Variants in UTP20 observed in about 807,000 individuals in gnomAD.
UTP20 encodes UTP20 small subunit processome component, also known as small subunit processome component 20 homolog.
A neutral mutation model predicts 329.5 loss-of-function variants in UTP20; 164 were observed. The observed-to-expected ratio is 0.50, with a 90% CI of 0.44 to 0.57. UTP20 has a LOEUF of 0.57. Among genes scored for constraint, UTP20 ranks in the 20% least tolerant of loss-of-function variants. UTP20 has a pLI of 0.00. For synonymous variants in UTP20, 1,151 were observed against 1,159.3 expected, an observed-to-expected ratio of 0.99 and a Z score of 0.14; for missense variants, 3,055 against 3,284.2, an observed-to-expected ratio of 0.93 and a Z score of 1.71.
At chr12:101,348,695 T>G (rs540482500) in intron 38 of UTP20, among the ~76,000 whole-genome samples, 5 of 151,060 alleles carry the variant, frequency 3.3e-5, no homozygotes, top group African/African-American at 4.8e-5. Context: ...GGAGGATTTT[T>G]TTGTTGTTGT....
At chr12:101,322,192 G>A (rs1440964515) in intron 25 of UTP20, among the ~76,000 whole-genome samples, 1 of 152,018 alleles carries the variant, frequency 6.6e-6, no homozygotes, top group East Asian at 1.9e-4. Context: ...GTTTCACCAT[G>A]TTGGCCAGGC....
At chr12:101,333,938 A>G (rs1001407288) in intron 28 of UTP20, among the ~76,000 whole-genome samples, 2 of 152,246 alleles carry the variant, frequency 1.3e-5, no homozygotes, top group African/African-American at 4.8e-5. Flanking sequence ...TGCTGGGATT[A>G]CAGGCGTGAG....
intron 18 of UTP20, among the ~76,000 whole-genome samples, chr12:101,309,200 G>A (rs553323909): frequency 1.2e-4 from 19 of 152,146 alleles, no homozygotes; most frequent in Non-Finnish European, 2.5e-4. Flanking sequence ...GTTTCATTTG[G>A]AAAAAAGACT....
At chr12:101,316,042 C>T (rs920681034) in intron 21 of UTP20, among the ~76,000 whole-genome samples, 3 of 152,178 alleles carry the variant, frequency 2.0e-5, no homozygotes, top group South Asian at 2.1e-4. Flanking sequence ...ATAGATGATC[C>T]GAACTAATGG....
chr12:101,376,161 G>GT (rs1434234658), intron 56 of UTP20, among the ~76,000 whole-genome samples: 3 of 151,986 alleles, frequency 2.0e-5, no homozygotes, highest in Admixed American at 6.6e-5. Context: ...TAGGCATAGG[G>GT]TTTTTTTGAG....
Position 101,383,124 on chromosome 12 carries a change from A to C in UTP20, c.7740A>C (p.Glu2580Asp). ...YCEDKQSKIK[E>D]DLEEQEALED... ...AGGATAAGCAAAGTAAGATAAAAGA[A>C]GACCTGGAAGAACAAGAAGCTTTAG... The change falls in exon 59 of 62, where the codon GAA becomes GAC. Residue 2580 changes from glutamate (E) to aspartate (D), a missense_variant. Glu to Asp is a conservative substitution (Grantham distance 45). Coordinates refer to ENST00000261637, the MANE Select transcript of UTP20 (RefSeq NM_014503.3). 1 of 1,614,052 alleles carries C rather than the reference A, an allele frequency of 6.2e-7. No individual in the cohort carries two copies. The highest frequency in any genetic ancestry group is 8.5e-7 in the Non-Finnish European group (1 of 1,179,924).
chr12:101,375,071 A>G, intron 55 of UTP20, 132 bp downstream of exon 55: 4 of 634,992 alleles, frequency 6.3e-6, no homozygotes, highest in South Asian at 5.1e-5. Flanking sequence ...TAGCTAATCA[A>G]TTAAATATTT....
intron 4 of UTP20, 31 bp from the exon 5 acceptor site, chr12:101,286,290 A>T: frequency 2.6e-6 from 4 of 1,528,596 alleles, no homozygotes; most frequent in Non-Finnish European, 3.5e-6. Context: ...AAAAAAATCC[A>T]CATGATCAGT....
At chr12:101,350,820 C>CA (rs201012759) in intron 38 of UTP20, among the ~76,000 whole-genome samples, 2,610 of 152,222 alleles carry the variant, frequency 0.017, 20 homozygotes, top group South Asian at 0.031. Context: ...CTTCCTTACT[C>CA]ACGCTTACTG....
chr12:101,311,718 G>C lies in UTP20; in HGVS notation c.2232-1G>C. On this transcript the variant is annotated splice_acceptor_variant, in intron 19 of 61. Coordinates refer to ENST00000261637, the MANE Select transcript of UTP20 (RefSeq NM_014503.3). LOFTEE classifies it high-confidence loss of function. Reference sequence around the variant, plus strand: ...ATTTTGTGATTTTTTTTTTCCCTTAGTTCTCATGCACACGAAATGGAAAAT... The same window carrying C: ...ATTTTGTGATTTTTTTTTTCCCTTACTTCTCATGCACACGAAATGGAAAAT... The C allele has an allele frequency of 6.3e-7, 1 of 1,591,938 alleles. No homozygotes were observed. The highest frequency in any genetic ancestry group is 1.1e-5 in the South Asian group (1 of 87,742).
rs141216085 is a variant in UTP20, at chr12:101,364,835, A to G, written c.5959-624A>G. ...GCATTTTCAGGATGAAAAAGAGTCA[A>G]CAGAGCACATATATCCGTGATGTAT... is the stretch of plus-strand genomic sequence containing the variant. On this transcript the variant is annotated intron_variant, in intron 45 of 61. Coordinates refer to ENST00000261637, the MANE Select transcript of UTP20 (RefSeq NM_014503.3). Among the ~76,000 whole-genome samples the G allele has an allele frequency of 5.8e-3, 884 of 152,302 alleles. 9 individuals are homozygous for G. The highest frequency in any genetic ancestry group is 0.019 in the African/African-American group (808 of 41,542).
chr12:101,323,502 T>C (rs1039534977), intron 25 of UTP20, among the ~76,000 whole-genome samples: 2 of 152,254 alleles, frequency 1.3e-5, no homozygotes, highest in African/African-American at 4.8e-5. Flanking sequence ...TATTATTTTT[T>C]GATTGTTTTA....
At chr12:101,322,944 T>C (rs1358171787) in intron 25 of UTP20, among the ~76,000 whole-genome samples, 1 of 152,092 alleles carries the variant, frequency 6.6e-6, no homozygotes, top group African/African-American at 2.4e-5. Context: ...TCAAAAACAA[T>C]AGTAAATAGG....
Position 101,352,142 on chromosome 12 carries a change from C to A in UTP20, c.4972C>A (p.His1658Asn), listed in dbSNP as rs775793754. ...SWSAYMYYLKHFIHVLQTGQI... is the reference protein window; with the variant it reads ...SWSAYMYYLKNFIHVLQTGQI... Reference sequence around the variant, plus strand: ...GTCAGCGTATATGTATTACTTGAAACATTTCATTCATGTCTTACAAACGGG... The same window carrying A: ...GTCAGCGTATATGTATTACTTGAAAAATTTCATTCATGTCTTACAAACGGG... Residue 1658 changes from histidine to asparagine, a missense_variant, in exon 39 of 62, where the codon CAT becomes AAT. Physicochemically the swap from His to Asn is moderately conservative, Grantham distance 68. Around this residue, in one of 3 missense-constraint regions of UTP20, gnomAD observed 2,445 missense variants for 2,575.5 expected, o/e 0.95. Transcript: ENST00000261637. 1.9e-6 allele frequency: 3 copies of A among 1,613,726 alleles called. No homozygotes were observed. Among genetic ancestry groups the A allele is most frequent in the Admixed American group, 1.7e-5 (1 of 59,936 alleles).
intron 49 of UTP20, 21 bp downstream of exon 49, chr12:101,369,912 C>T (rs2121025701): frequency 1.9e-6 from 3 of 1,609,840 alleles, no homozygotes; most frequent in East Asian, 4.5e-5. Flanking sequence ...TTCACTTGCC[C>T]TTGGAAAAAG....
chr12:101,355,585 G>T (rs1156386354), intron 41 of UTP20, among the ~76,000 whole-genome samples: 1 of 152,072 alleles, frequency 6.6e-6, no homozygotes, highest in Non-Finnish European at 1.5e-5. Context: ...CTAGCCTGTG[G>T]CCTGTTTTTG....
In UTP20 at chr12:101,290,249, A is replaced by C. The variant is rs866407245; in HGVS notation, c.710A>C (p.Asn237Thr). 1.9e-6 allele frequency: 3 copies of C among 1,608,820 alleles called. No individual in the cohort carries two copies. Among genetic ancestry groups the C allele is most frequent in the Non-Finnish European group, 2.5e-6 (3 of 1,177,506 alleles). Reference protein sequence around the residue: ...LLFEMCKGVRNMFHSCTGQAV... With the variant: ...LLFEMCKGVRTMFHSCTGQAV... ...TTTGAAATGTGCAAAGGAGTTAGAA[A>C]TATGTTTCACTCCTGTACAGGCCAG... The change falls in exon 7 of 62, where the codon AAT becomes ACT. Residue 237 changes from asparagine to threonine, a missense_variant. Physicochemically the swap from Asn to Thr is moderately conservative, Grantham distance 65. Around this residue, in one of 3 missense-constraint regions of UTP20, gnomAD observed 2,445 missense variants for 2,575.5 expected, o/e 0.95. Transcript: ENST00000261637.
intron 19 of UTP20, among the ~76,000 whole-genome samples, chr12:101,310,577 CAAAAAAAAAAAAA>C (rs549641642): frequency 4.5e-5 from 2 of 44,384 alleles, no homozygotes; most frequent in Non-Finnish European, 7.8e-5. Context: ...CTCTGTCTCC[CAAAAAAAAAAAAA>C]AAAAAAAATA....
intron 56 of UTP20, among the ~76,000 whole-genome samples, chr12:101,377,941 G>A (rs150619678): frequency 6.6e-6 from 1 of 152,326 alleles, no homozygotes; most frequent in East Asian, 1.9e-4. Flanking sequence ...TAGGGTCTCA[G>A]CTGGGCATGG....
Sources: allele counts gnomAD v4.1 joint callset (sites outside exome capture counted in the v4.1 genomes callset), GRCh38; gene constraint gnomAD v4.1.1; regional missense constraint gnomAD v4.1.1; transcripts MANE v1.5; gene names NCBI Gene and HGNC (gene_info 2026-07-23, HGNC 2026-07-21).